The following CCNY variants were observed in gnomAD, a reference collection of about 807,000 sequenced individuals.
CCNY encodes the protein cyclin Y, also known as cyclin-Y.
CCNY carries 19 observed loss-of-function variants against 42.8 expected under a neutral mutation model. The observed-to-expected ratio is 0.44, with a 90% CI of 0.31 to 0.65. The LOEUF is 0.65. Ranked by LOEUF, CCNY falls within the 30% of genes least tolerant of loss-of-function variation. CCNY has a pLI of 0.07. For synonymous variants in CCNY, 165 were observed against 162.7 expected (o/e 1.01, Z -0.11); for missense variants, 370 against 437.3 (o/e 0.85, Z 1.37).
chr10:35,486,722 A>G (rs1348289950), intron 2 of CCNY, among the ~76,000 whole-genome samples: 1 of 152,136 alleles, frequency 6.6e-6, no homozygotes, highest in Non-Finnish European at 1.5e-5. Context: ...TTCCCAGCCA[A>G]CTTCCTCTCT....
upstream of CCNY, among the ~76,000 whole-genome samples, chr10:35,334,428 C>T (rs935975073): frequency 3.1e-4 from 47 of 152,314 alleles, no homozygotes; most frequent in African/African-American, 9.9e-4. Context: ...TTCTCTCCCA[C>T]GGGTTCAGCA....
At chr10:35,267,800 G>A (rs563007590) in intron 3 of CCNY, among the ~76,000 whole-genome samples, 62 of 152,280 alleles carry the variant, frequency 4.1e-4, no homozygotes, top group Non-Finnish European at 4.6e-4. Flanking sequence ...ATAGCTGAGC[G>A]GTGGAATAAA....
intron 1 of CCNY, among the ~76,000 whole-genome samples, chr10:35,357,991 C>G (rs1286588762): frequency 6.6e-6 from 1 of 151,980 alleles, no homozygotes; most frequent in Non-Finnish European, 1.5e-5. Context: ...GGTTTCTTTT[C>G]AAGCTGTGTT....
chr10:35,432,224 A>T (rs1258168125), intron 1 of CCNY, among the ~76,000 whole-genome samples: 2 of 152,106 alleles, frequency 1.3e-5, no homozygotes, highest in Non-Finnish European at 2.9e-5. Flanking sequence ...CTGCTTTGGG[A>T]AGGTGTTTTA....
intron 1 of CCNY, among the ~76,000 whole-genome samples, chr10:35,356,475 C>G (rs962531278): frequency 6.6e-6 from 1 of 152,126 alleles, no homozygotes. Flanking sequence ...GTGGGGGTAG[C>G]TGGTGTTGTA....
rs75612927 is a variant in CCNY at position 35,346,076 on chromosome 10, T to C, written c.154+8869T>C. Among the ~76,000 whole-genome samples, 7 of 152,320 alleles carry C rather than the reference T, an allele frequency of 4.6e-5. No homozygotes were observed. The East Asian group carries it at 1.3e-3, about 29-fold the overall frequency. On this transcript the variant is annotated intron_variant, in intron 1 of 9. Coordinates refer to ENST00000374704, the MANE Select transcript of CCNY (RefSeq NM_145012.6). Reference sequence around the variant, plus strand: ...CTTGCTTATTTATTTATTCAAAGAATAGGATTTTGAGGCATGCATAAATAT... The same window carrying C: ...CTTGCTTATTTATTTATTCAAAGAACAGGATTTTGAGGCATGCATAAATAT...
Position 35,463,408 on chromosome 10 carries a change from G to C in CCNY, c.155-19996G>C, listed in dbSNP as rs753088330. On this transcript the variant is annotated intron_variant, in intron 1 of 9. Coordinates refer to ENST00000374704, the MANE Select transcript of CCNY (RefSeq NM_145012.6). Reference sequence around the variant, plus strand: ...AATGGACGTAGAATATGCTAACTCAGGTGATCCAGAGTATATGCATATATG... The same window carrying C: ...AATGGACGTAGAATATGCTAACTCACGTGATCCAGAGTATATGCATATATG... Among the ~76,000 whole-genome samples, 3 of 152,182 alleles carry C rather than the reference G, an allele frequency of 2.0e-5. No individual in the cohort carries two copies. The South Asian group carries it at 6.2e-4, about 31-fold the overall frequency.
intron 1 of CCNY, among the ~76,000 whole-genome samples, chr10:35,470,534 C>G (rs1460153241): frequency 1.3e-5 from 2 of 152,174 alleles, no homozygotes; most frequent in Non-Finnish European, 2.9e-5. Flanking sequence ...GCAGGGGCAC[C>G]AGTGGCTGAA....
At chr10:35,434,782 A>G (rs1838489808) in intron 1 of CCNY, among the ~76,000 whole-genome samples, 1 of 152,196 alleles carries the variant, frequency 6.6e-6, no homozygotes, top group Non-Finnish European at 1.5e-5. Context: ...ACCCATGTCT[A>G]GGCACATTTG....
intron 3 of CCNY, among the ~76,000 whole-genome samples, chr10:35,322,019 T>A (rs976240467): frequency 5.9e-5 from 9 of 152,196 alleles, no homozygotes; most frequent in Non-Finnish European, 5.9e-5. Context: ...AACTTACTCA[T>A]ACACAAAATT....
At chr10:35,378,072 A>G (rs1307911802) in intron 1 of CCNY, among the ~76,000 whole-genome samples, 1 of 152,230 alleles carries the variant, frequency 6.6e-6, no homozygotes, top group Admixed American at 6.5e-5. Context: ...GGTTAGTTGC[A>G]CTGTGGAATC....
chr10:35,431,023 A>G (rs1368841269), intron 1 of CCNY, among the ~76,000 whole-genome samples: 2 of 151,718 alleles, frequency 1.3e-5, no homozygotes, highest in Non-Finnish European at 1.5e-5. Context: ...AGGCTGAGGT[A>G]GGAGAATCGC....
intron 1 of CCNY, among the ~76,000 whole-genome samples, chr10:35,382,713 C>G (rs997641799): frequency 2.6e-5 from 4 of 152,136 alleles, no homozygotes; most frequent in African/African-American, 9.7e-5. Context: ...GGGCAAGTTA[C>G]TTAAACTTGC....
chr10:35,523,405 A>C (rs1215091791), intron 4 of CCNY, among the ~76,000 whole-genome samples: 3 of 152,198 alleles, frequency 2.0e-5, no homozygotes, highest in Non-Finnish European at 2.9e-5. Flanking sequence ...GAGTGAAGCT[A>C]CAAGCCTGGG....
chr10:35,381,884 T>G (rs1254199514), intron 1 of CCNY, among the ~76,000 whole-genome samples: 4 of 152,202 alleles, frequency 2.6e-5, no homozygotes, highest in Non-Finnish European at 4.4e-5. Context: ...TGAAACAGAA[T>G]GCAAACCATG....
chr10:35,321,401 G>A (rs1015263091), intron 3 of CCNY, among the ~76,000 whole-genome samples: 1 of 151,860 alleles, frequency 6.6e-6, no homozygotes, highest in African/African-American at 2.4e-5. Flanking sequence ...GGTGGGGCAC[G>A]ATGGCTCACA....
intron 3 of CCNY, among the ~76,000 whole-genome samples, chr10:35,253,414 ATTTTTT>A (rs61405875): frequency 1.7e-4 from 15 of 89,034 alleles, no homozygotes; most frequent in African/African-American, 3.3e-4. Flanking sequence ...CATGCTCACT[ATTTTTT>A]TTTTTTTTTT....
In CCNY at chr10:35,516,661, C is replaced by CTTCCTTTTTTTTTT. The variant is rs1166900318; in HGVS notation, c.365+40_365+41insCCTTTTTTTTTTTT. 6 of 327,596 alleles carry CTTCCTTTTTTTTTT rather than the reference C, an allele frequency of 1.8e-5. No individual in the cohort carries two copies. The East Asian group carries it at 2.4e-4, about 13-fold the overall frequency. The allele number at this position is 327,596 out of a possible 1,614,324, so 20.3% of individuals were successfully genotyped here. ...ATTTATTTCCTTCCTTCCTTCCTTC[C>CTTCCTTTTTTTTTT]TTTTTTTTTTTTTTTTTTTTTTTTT... is the stretch of plus-strand genomic sequence containing the variant. On this transcript the variant is annotated intron_variant, in intron 4 of 9. Coordinates refer to ENST00000374704, the MANE Select transcript of CCNY (RefSeq NM_145012.6).
chr10:35,476,297 A>G (rs1367539243), intron 1 of CCNY, among the ~76,000 whole-genome samples: 1 of 152,172 alleles, frequency 6.6e-6, no homozygotes, highest in African/African-American at 2.4e-5. Context: ...ATAGACATCT[A>G]CAGAACTCTC....
Sources: allele counts gnomAD v4.1 joint callset (sites outside exome capture counted in the v4.1 genomes callset), GRCh38; gene constraint gnomAD v4.1.1; transcripts MANE v1.5; gene names NCBI Gene and HGNC (gene_info 2026-07-23, HGNC 2026-07-21).